Variants in ATPSCKMT observed in about 807,000 individuals in gnomAD.
ATPSCKMT encodes ATP synthase c subunit lysine N-methyltransferase.
Under a neutral mutation model 24.3 loss-of-function variants are expected in ATPSCKMT, and 24 were observed. The observed-to-expected ratio is 0.99, with a 90% CI of 0.71 to 1.39. The LOEUF is 1.39. ATPSCKMT is among the 40% of genes most tolerant of loss of function. ATPSCKMT has a pLI of 0.00. For synonymous variants in ATPSCKMT, 95 were observed against 110.5 expected, an observed-to-expected ratio of 0.86 and a Z score of 0.88; for missense variants, 311 against 298.4, an observed-to-expected ratio of 1.04 and a Z score of -0.31.
intron 1 of ATPSCKMT, among the ~76,000 whole-genome samples, chr5:10,239,813 C>T (rs2126450775): frequency 6.6e-6 from 1 of 152,304 alleles, no homozygotes; most frequent in South Asian, 2.1e-4. Context: ...TCTGGTCTGG[C>T]ATCTACAATC....
intron 1 of ATPSCKMT, among the ~76,000 whole-genome samples, chr5:10,248,936 T>C (rs768620415): frequency 1.3e-5 from 2 of 152,144 alleles, no homozygotes; most frequent in Non-Finnish European, 2.9e-5. Context: ...AGAGGACAGC[T>C]GCGGTTGCCA....
At chr5:10,237,637 T>C (rs1744433028) in intron 2 of ATPSCKMT, among the ~76,000 whole-genome samples, 1 of 152,222 alleles carries the variant, frequency 6.6e-6, no homozygotes, top group African/African-American at 2.4e-5. Flanking sequence ...CCTTCCACCA[T>C]GATTGTGAGG....
chr5:10,235,578 C>A (rs1173092408), intron 3 of ATPSCKMT, among the ~76,000 whole-genome samples: 2 of 152,186 alleles, frequency 1.3e-5, no homozygotes, highest in East Asian at 1.9e-4. Context: ...CACTGTGACC[C>A]CACTGTGACC....
intron 4 of ATPSCKMT, among the ~76,000 whole-genome samples, chr5:10,232,590 C>T (rs561194959): frequency 2.6e-5 from 4 of 152,376 alleles, no homozygotes; most frequent in Admixed American, 2.6e-4. Context: ...GAAAAGACAG[C>T]TGGCCCATGA....
chr5:10,239,794 C>T (rs2126450734), intron 1 of ATPSCKMT, among the ~76,000 whole-genome samples: 1 of 152,138 alleles, frequency 6.6e-6, no homozygotes, highest in African/African-American at 2.4e-5. Context: ...TAAAGGATTC[C>T]ACATCAAATC....
intron 1 of ATPSCKMT, among the ~76,000 whole-genome samples, chr5:10,240,803 C>G (rs1458103989): frequency 6.6e-6 from 1 of 152,042 alleles, no homozygotes; most frequent in Admixed American, 6.5e-5. Context: ...TGAGACCAGC[C>G]TGACCAACAT....
chr5:10,243,027 T>A (rs1194597191), intron 1 of ATPSCKMT, among the ~76,000 whole-genome samples: 2 of 152,250 alleles, frequency 1.3e-5, no homozygotes. Flanking sequence ...TTTAGCATCA[T>A]TCCTAAGGAC....
intron 1 of ATPSCKMT, among the ~76,000 whole-genome samples, chr5:10,241,612 G>A (rs1312048418): frequency 2.0e-5 from 3 of 152,228 alleles, no homozygotes; most frequent in Non-Finnish European, 2.9e-5. Flanking sequence ...ACTAATGCTA[G>A]TGCTAGTATT....
intron 2 of ATPSCKMT, chr5:10,237,173 C>T (rs1201446261): frequency 7.5e-6 from 4 of 533,780 alleles, no homozygotes; most frequent in Admixed American, 2.6e-5. Context: ...CACTGGCCTC[C>T]GGAGAGTGGG....
chr5:10,239,409 A>G lies in ATPSCKMT; in HGVS notation c.17-53T>C, dbSNP rs1744525481. 4 of 1,489,606 alleles carry G rather than the reference A, an allele frequency of 2.7e-6. No homozygotes were observed. The South Asian group carries it at 3.9e-5, about 14-fold the overall frequency. 92.3% of individuals were successfully genotyped at this position (1,489,606 alleles called of 1,614,324 possible). ...CATGTAGCACCAAATCTGAAATCCA[A>G]GAGAGCATTTTTTTCTACAATTCTC... On this transcript the variant is annotated intron_variant, in intron 1 of 4. Coordinates refer to ENST00000511437, the MANE Select transcript of ATPSCKMT (RefSeq NM_199133.4).
chr5:10,246,796 ATGAGGGG>A (rs1240822159), intron 1 of ATPSCKMT, among the ~76,000 whole-genome samples: 1 of 152,226 alleles, frequency 6.6e-6, no homozygotes, highest in African/African-American at 2.4e-5. Context: ...ATCTAGGCAG[ATGAGGGG>A]TGGGGTCCAG....
chr5:10,239,160 T>C lies in ATPSCKMT; in HGVS notation c.213A>G (p.Val71=), dbSNP rs766235579. The C allele has an allele frequency of 1.2e-5, 19 of 1,614,050 alleles. No homozygotes were observed. Among genetic ancestry groups the C allele is most frequent in the Non-Finnish European group, 1.5e-5 (18 of 1,180,042 alleles). ...PALRKVCLPF[V]PATTKQIENV... is the part of the protein sequence containing the mutation. ...TTTCAATCTGCTTCGTAGTTGCAGG[T>C]ACAAACGGCAAACAGACTTTTCGAA... Residue 71 remains valine (V), a synonymous_variant, in exon 2 of 5, where the codon GTA becomes GTG. Coordinates refer to ENST00000511437, the MANE Select transcript of ATPSCKMT (RefSeq NM_199133.4).
intron 1 of ATPSCKMT, among the ~76,000 whole-genome samples, chr5:10,248,053 G>A (rs1745017275): frequency 1.3e-5 from 2 of 152,200 alleles, no homozygotes; most frequent in Admixed American, 1.3e-4. Context: ...GAAGAGAGAA[G>A]GAGCCTGTTA....
rs1416726691 is a variant in ATPSCKMT, at chr5:10,225,516, G to GA, written c.*1924dup. On this transcript the variant is annotated 3_prime_UTR_variant, in exon 5 of 5. Transcript: ENST00000511437. ...ACCTGAGGCTGGGCGATTTACAAAAGAAAGAGCTTTAATTGGACTTACAGT... is the reference window on the plus strand; with the variant it reads ...ACCTGAGGCTGGGCGATTTACAAAAGAAAAGAGCTTTAATTGGACTTACAGT... Among the ~76,000 whole-genome samples, 2 of 152,186 alleles carry GA rather than the reference G, an allele frequency of 1.3e-5. No homozygotes were observed. The highest frequency in any genetic ancestry group is 2.9e-5 in the Non-Finnish European group (2 of 68,040).
rs949542859 is a variant in ATPSCKMT at position 10,239,200 on chromosome 5, A to G, written c.173T>C (p.Phe58Ser). 1.5e-5 allele frequency: 24 copies of G among 1,614,090 alleles called. No individual in the cohort carries two copies. Among genetic ancestry groups the G allele is most frequent in the Non-Finnish European group, 1.9e-5 (23 of 1,180,052 alleles). ...LVAVYAVATP[F>S]VTPALRKVCL... ...GACTTTTCGAAGGGCTGGCGTTACA[A>G]ACGGCGTGGCTACAGCGTACACAGC... Residue 58 changes from phenylalanine (F) to serine (S), a missense_variant, in exon 2 of 5, where the codon TTT becomes TCT. Physicochemically the swap from Phe to Ser is radical, Grantham distance 155 (BLOSUM62 -2). Transcript: ENST00000511437.
chr5:10,236,660 AACAT>A (rs772886229), intron 2 of ATPSCKMT, 45 bp from the exon 3 acceptor site: 2 of 1,602,424 alleles, frequency 1.2e-6, no homozygotes, highest in South Asian at 2.2e-5. Context: ...AGAAAAAATG[AACAT>A]ACATGGTCAA....
intron 1 of ATPSCKMT, among the ~76,000 whole-genome samples, chr5:10,247,869 A>G (rs561006601): frequency 2.0e-5 from 3 of 152,166 alleles, no homozygotes; most frequent in Non-Finnish European, 2.9e-5. Context: ...CAAACACAGA[A>G]TGAGGTTAAC....
intron 2 of ATPSCKMT, among the ~76,000 whole-genome samples, 191 bp downstream of exon 2, chr5:10,238,876 C>A (rs1744494440): frequency 6.6e-6 from 1 of 152,106 alleles, no homozygotes; most frequent in African/African-American, 2.4e-5. Context: ...CCTTTAAGAA[C>A]AAATTAAATC....
At chr5:10,239,881 ATATCT>A (rs369534000) in intron 1 of ATPSCKMT, among the ~76,000 whole-genome samples, 519 of 152,218 alleles carry the variant, frequency 3.4e-3, no homozygotes, top group African/African-American at 0.012. Context: ...GTTTTACCAA[ATATCT>A]TAAATAAGTA....
Sources: allele counts gnomAD v4.1 joint callset (sites outside exome capture counted in the v4.1 genomes callset), GRCh38; gene constraint gnomAD v4.1.1; transcripts MANE v1.5; gene names NCBI Gene and HGNC (gene_info 2026-07-23, HGNC 2026-07-21).